The following SLIT1 variants were observed in gnomAD, a reference collection of about 807,000 sequenced individuals.
SLIT1 encodes slit guidance ligand 1, also known as slit homolog 1 protein.
A neutral mutation model predicts 186.1 loss-of-function variants in SLIT1; 66 were observed. The observed-to-expected ratio is 0.35, with a 90% CI of 0.29 to 0.44. The LOEUF (loss-of-function observed/expected upper bound fraction) is 0.44, where lower values mean the gene tolerates loss of function less well. SLIT1 is among the 20% of genes least tolerant of loss of function. The pLI is 1.00. For missense variants in SLIT1, 1,638 were observed against 2,037.4 expected, an observed-to-expected ratio of 0.80 and a Z score of 3.77; for synonymous variants, 761 against 833.8, an observed-to-expected ratio of 0.91 and a Z score of 1.50.
chr10:97,173,917 C>T (rs528108802), intron 1 of SLIT1, among the ~76,000 whole-genome samples: 193 of 152,288 alleles, frequency 1.3e-3, no homozygotes, highest in Middle Eastern at 6.8e-3. Context: ...AATAATTATT[C>T]CTCAGCCCTT....
At position 97,043,265 on chromosome 10, in the gene SLIT1, G is replaced by A. The variant is rs551398907; in HGVS notation, c.1997+105C>T. 9.5e-6 allele frequency: 14 copies of A among 1,468,324 alleles called. No individual in the cohort carries two copies. In the East Asian group the frequency reaches 1.1e-4, roughly 12 times the overall value. 91.0% of individuals were successfully genotyped at this position (1,468,324 alleles called of 1,614,324 possible). ...TGGAACCCACGTTTCAGCAAACCAC[G>A]AAGACCCAGCACCCCCAGGGTGAGC... On this transcript the variant is annotated intron_variant, in intron 19 of 36. Transcript: ENST00000266058. This position sits in a 1 kb window ranked among gnomAD's most constrained non-coding sequence, Gnocchi z 7.0.
chr10:97,006,498 G>T lies in SLIT1; in HGVS notation c.3564C>A (p.Ala1188=). 1 of 1,613,492 alleles carries T rather than the reference G, an allele frequency of 6.2e-7. No homozygotes were observed. Among genetic ancestry groups the T allele is most frequent in the Non-Finnish European group, 8.5e-7 (1 of 1,179,474 alleles). ...TGGCACGCACCTGCAACGTGATGTT[G>T]GCCCGTGGCCAGTTTTGCAGGTCAG... ...QFTDLQNWPR[A]NITLQVSTAE... The change falls in exon 32 of 37, where the codon GCC becomes GCA. Residue 1188 remains alanine (A), a synonymous_variant. Coordinates refer to ENST00000266058, the MANE Select transcript of SLIT1 (RefSeq NM_003061.3). The surrounding 1 kb of genome is among the most constrained non-coding windows in gnomAD (Gnocchi z 4.0).
At chr10:97,058,326 T>A (rs1490076169) in intron 11 of SLIT1, among the ~76,000 whole-genome samples, 4 of 152,194 alleles carry the variant, frequency 2.6e-5, no homozygotes, top group Non-Finnish European at 5.9e-5. Context: ...CGTTCCTATA[T>A]GCAGGGAGGT....
intron 4 of SLIT1, 61 bp downstream of exon 4, chr10:97,157,757 C>A (rs533264617): frequency 7.7e-7 from 1 of 1,298,780 alleles, no homozygotes; most frequent in South Asian, 1.2e-5. Context: ...AACACTGTGC[C>A]TCCCACAGGG....
intron 4 of SLIT1, among the ~76,000 whole-genome samples, chr10:97,088,621 G>T (rs1032762564): frequency 7.9e-5 from 12 of 152,180 alleles, no homozygotes; most frequent in Non-Finnish European, 1.6e-4. Flanking sequence ...GTGAAAGTTT[G>T]CTACTAAATT....
intron 1 of SLIT1, among the ~76,000 whole-genome samples, chr10:97,178,775 A>G (rs1188570915): frequency 8.9e-6 from 1 of 112,052 alleles, no homozygotes; most frequent in Non-Finnish European, 1.9e-5. Flanking sequence ...CGATAGAGAG[A>G]AGAGAGAGAG....
chr10:97,031,943 C>A (rs562790475), intron 23 of SLIT1, among the ~76,000 whole-genome samples: 4 of 152,372 alleles, frequency 2.6e-5, no homozygotes, highest in Admixed American at 6.5e-5. Context: ...TAGGGCTGTC[C>A]TGGGGACGAA....
At chr10:97,011,950 G>A (rs1248464152) in intron 30 of SLIT1, among the ~76,000 whole-genome samples, 1 of 152,014 alleles carries the variant, frequency 6.6e-6, no homozygotes, top group South Asian at 2.1e-4. Flanking sequence ...TTGTCTGATC[G>A]CCTTCTAAAC....
At chr10:97,018,524 C>CTGAGGTGG in intron 28 of SLIT1, 62 bp downstream of exon 28, 2 of 1,079,488 alleles carry the variant, frequency 1.9e-6, no homozygotes, top group Non-Finnish European at 2.7e-6. Flanking sequence ...GAGGAGGGCC[C>CTGAGGTGG]TGAGGCACAG....
In SLIT1 at chr10:97,166,530, A is replaced by AGAAGGAAG. The variant is rs1241751831; in HGVS notation, c.198-1648_198-1641dup. Among the ~76,000 whole-genome samples, 284 of 49,722 alleles carry AGAAGGAAG rather than the reference A, an allele frequency of 5.7e-3. 14 individuals carry two copies. The highest frequency in any genetic ancestry group is 0.017 in the African/African-American group (265 of 15,860). 32.6% of individuals were successfully genotyped at this position (49,722 alleles called of 152,430 possible). A position where few individuals can be genotyped will look rare whatever the true frequency, so the allele number is the denominator to read the frequency against. Reference sequence around the variant, plus strand: ...AAACTCTGTCTCCAAAAAAAAAGAAAGAAGGAAGGAAGGAAGGAAGGAAGG... The same window carrying AGAAGGAAG: ...AAACTCTGTCTCCAAAAAAAAAGAAAGAAGGAAGGAAGGAAGGAAGGAAGGAAGGAAGG... On this transcript the variant is annotated intron_variant, in intron 1 of 36. Coordinates refer to ENST00000266058, the MANE Select transcript of SLIT1 (RefSeq NM_003061.3).
At chr10:97,095,567 T>C (rs1276477203) in intron 4 of SLIT1, among the ~76,000 whole-genome samples, 13 of 152,338 alleles carry the variant, frequency 8.5e-5, no homozygotes, top group Non-Finnish European at 1.2e-4. Context: ...AGGGAGATTC[T>C]TAGTGAGAAC....
At chr10:97,092,942 C>T (rs1183834229) in intron 4 of SLIT1, among the ~76,000 whole-genome samples, 1 of 152,202 alleles carries the variant, frequency 6.6e-6, no homozygotes, top group Non-Finnish European at 1.5e-5. Context: ...CTTCATTTCA[C>T]ATAAGAGGAA....
At chr10:97,048,300 C>T (rs1320025078) in intron 14 of SLIT1, among the ~76,000 whole-genome samples, 1 of 152,156 alleles carries the variant, frequency 6.6e-6, no homozygotes, top group Admixed American at 6.5e-5. Flanking sequence ...GTACAGGTGG[C>T]GTCAGGACCT....
chr10:97,002,437 C>A, intron 35 of SLIT1, 68 bp from the exon 36 acceptor site: 2 of 1,255,028 alleles, frequency 1.6e-6, no homozygotes, highest in Non-Finnish European at 1.1e-6. Context: ...ACAGCCCGCC[C>A]CACCTGACAC....
At chr10:97,132,683 C>T (rs889886233) in intron 4 of SLIT1, among the ~76,000 whole-genome samples, 1 of 152,004 alleles carries the variant, frequency 6.6e-6, no homozygotes, top group African/African-American at 2.4e-5. Flanking sequence ...TTGTGTATTC[C>T]CCCACCTTTG....
At chr10:97,164,628 G>A (rs1589418127) in intron 2 of SLIT1, among the ~76,000 whole-genome samples, 191 bp downstream of exon 2, 1 of 152,112 alleles carries the variant, frequency 6.6e-6, no homozygotes, top group South Asian at 2.1e-4. Context: ...CAGGGCGACG[G>A]ACCTTATGAT....
chr10:97,130,644 C>T (rs1849644350), intron 4 of SLIT1, among the ~76,000 whole-genome samples: 1 of 152,184 alleles, frequency 6.6e-6, no homozygotes, highest in Admixed American at 6.5e-5. Context: ...GGCTCTTCTT[C>T]TTTCTAAGTG....
At chr10:97,093,755 A>G (rs1380297720) in intron 4 of SLIT1, among the ~76,000 whole-genome samples, 1 of 152,244 alleles carries the variant, frequency 6.6e-6, no homozygotes, top group East Asian at 1.9e-4. Context: ...CGGGCACAGA[A>G]GTCACCTTTG....
At chr10:97,176,496 T>A (rs1423592081) in intron 1 of SLIT1, among the ~76,000 whole-genome samples, 1 of 152,140 alleles carries the variant, frequency 6.6e-6, no homozygotes, top group African/African-American at 2.4e-5. Flanking sequence ...CTCCTGAGCC[T>A]GCTCCCCCTC....
Sources: gnomAD v4.1 joint callset for allele counts (sites outside exome capture counted in the v4.1 genomes callset) on GRCh38, gnomAD v4.1.1 for gene constraint, Gnocchi (gnomAD v3.1) non-coding constraint, MANE v1.5 for transcripts, NCBI Gene and HGNC (gene_info 2026-07-23, HGNC 2026-07-21) for gene names.